The following PLCL1 variants were observed in gnomAD, a reference collection of about 807,000 sequenced individuals.
PLCL1 encodes the protein phospholipase C like 1 (inactive), also known as inactive phospholipase C-like protein 1.
A neutral mutation model predicts 84.4 loss-of-function variants in PLCL1; 41 were observed. That is an observed-to-expected ratio of 0.49 (90% confidence interval 0.38 to 0.63). The LOEUF (loss-of-function observed/expected upper bound fraction) is 0.63, where lower values mean the gene tolerates loss of function less well. PLCL1 is among the 30% of genes least tolerant of loss of function. The pLI, the probability that PLCL1 is intolerant of heterozygous loss-of-function variation, is 0.00. For missense variants in PLCL1, 1,206 were observed against 1,367.8 expected (o/e 0.88, Z 1.87); for synonymous variants, 490 against 488.3 (o/e 1.00, Z -0.05).
intron 1 of PLCL1, among the ~76,000 whole-genome samples, chr2:198,029,619 G>A (rs998202453): frequency 2.0e-5 from 3 of 152,128 alleles, no homozygotes; most frequent in Non-Finnish European, 4.4e-5. Context: ...AGAGCCTTCT[G>A]CAGTCACGGC....
chr2:197,877,858 TC>T (rs1687765891), intron 1 of PLCL1, among the ~76,000 whole-genome samples: 1 of 152,020 alleles, frequency 6.6e-6, no homozygotes, highest in South Asian at 2.1e-4. Context: ...TTTCAGGGGG[TC>T]CTCAAACCTC....
At chr2:197,900,744 G>T (rs188604801) in intron 1 of PLCL1, among the ~76,000 whole-genome samples, 1 of 152,144 alleles carries the variant, frequency 6.6e-6, no homozygotes, top group Admixed American at 6.5e-5. Context: ...AAAGTGAAAG[G>T]GTTGTCATAA....
intron 1 of PLCL1, among the ~76,000 whole-genome samples, chr2:197,997,392 G>T (rs190990081): frequency 6.6e-5 from 10 of 152,346 alleles, no homozygotes; most frequent in Admixed American, 4.6e-4. Context: ...GGTTTCTTGT[G>T]ATCTGCTGAG....
intron 1 of PLCL1, chr2:197,810,467 C>T (rs1690561156): frequency 3.0e-6 from 1 of 337,058 alleles, no homozygotes; most frequent in Non-Finnish European, 5.9e-6. Flanking sequence ...ATTACATAGC[C>T]ATTGAGGGGT....
chr2:198,084,929 T>C lies in PLCL1; in HGVS notation c.1412T>C (p.Val471Ala). 1 of 1,614,010 alleles carries C rather than the reference T, an allele frequency of 6.2e-7. No homozygotes were observed. The highest frequency in any genetic ancestry group is 8.5e-7 in the Non-Finnish European group (1 of 1,179,938). ...NMTTHVSFRSVIEVINKFAFV... is the reference protein window; with the variant it reads ...NMTTHVSFRSAIEVINKFAFV... ...ACAACCCATGTTTCCTTTCGAAGTG[T>C]CATAGAGGTAATAAATAAATTTGCC... The change falls in exon 2 of 6, where the codon GTC (valine) becomes GCC (alanine). Residue 471 changes from valine to alanine, a missense_variant. Physicochemically the swap from Val to Ala is moderately conservative, Grantham distance 64 (BLOSUM62 0). Transcript: ENST00000428675.
rs184698958 is a variant in PLCL1, at chr2:197,929,248, C to T, written c.240+123909C>T. Among the ~76,000 whole-genome samples, 15 of 152,252 alleles carry T rather than the reference C, an allele frequency of 9.9e-5. No individual in the cohort carries two copies. In the East Asian group the frequency reaches 2.5e-3, roughly 25 times the overall value. On this transcript the variant is annotated intron_variant, in intron 1 of 5. Transcript: ENST00000428675. ...TCCTTCTGGGGTCCTGGAACCAATC[C>T]CCCATGGATATGGAGGGCCGACTGT...
intron 1 of PLCL1, among the ~76,000 whole-genome samples, chr2:197,902,898 A>G (rs1170465323): frequency 3.3e-5 from 5 of 152,208 alleles, no homozygotes; most frequent in Admixed American, 3.3e-4. Flanking sequence ...CATCCAGCTC[A>G]GGAGAGTGCT....
intron 1 of PLCL1, among the ~76,000 whole-genome samples, chr2:197,871,213 C>G (rs1452720501): frequency 6.6e-6 from 1 of 151,952 alleles, no homozygotes; most frequent in African/African-American, 2.4e-5. Context: ...ATGTGAGGGG[C>G]CTGTACAGTT....
At chr2:198,086,360 C>G in intron 2 of PLCL1, 128 bp downstream of exon 2, 1 of 678,194 alleles carries the variant, frequency 1.5e-6, no homozygotes, top group Non-Finnish European at 2.4e-6. Context: ...GTGACTCATT[C>G]CTGTAATCCC....
chr2:198,043,386 G>A (rs1257122942), intron 1 of PLCL1, among the ~76,000 whole-genome samples: 1 of 152,178 alleles, frequency 6.6e-6, no homozygotes, highest in Non-Finnish European at 1.5e-5. Flanking sequence ...AAATATACTT[G>A]TAAACAGCTG....
intron 1 of PLCL1, among the ~76,000 whole-genome samples, chr2:198,012,274 G>A (rs1028116456): frequency 1.1e-4 from 16 of 152,064 alleles, no homozygotes; most frequent in Non-Finnish European, 1.9e-4. Flanking sequence ...GTGCTGCAGG[G>A]CATCCTATTC....
At position 198,035,772 on chromosome 2, in the gene PLCL1, C is replaced by T. The variant is rs372854453; in HGVS notation, c.241-47986C>T. Among the ~76,000 whole-genome samples the T allele has an allele frequency of 7.9e-4, 121 of 152,330 alleles. 4 individuals are homozygous for T. In the South Asian group the frequency reaches 0.015, roughly 19 times the overall value. On this transcript the variant is annotated intron_variant, in intron 1 of 5. Transcript: ENST00000428675. ...TGGTATGGCTGGATGCGGTGGCTCA[C>T]GCCTGTAATCCCAGCACTTTGGGAG...
At chr2:197,929,263 G>T (rs1024308663) in intron 1 of PLCL1, among the ~76,000 whole-genome samples, 1 of 152,172 alleles carries the variant, frequency 6.6e-6, no homozygotes, top group African/African-American at 2.4e-5. Context: ...TGGATATGGA[G>T]GGCCGACTGT....
intron 5 of PLCL1, among the ~76,000 whole-genome samples, chr2:198,142,414 A>G (rs193245984): frequency 3.9e-5 from 6 of 152,252 alleles, no homozygotes; most frequent in African/African-American, 1.4e-4. Flanking sequence ...CACCACAGCA[A>G]TGCACGGCAG....
intron 1 of PLCL1, among the ~76,000 whole-genome samples, chr2:198,052,342 C>A (rs758409243): frequency 1.3e-5 from 2 of 152,182 alleles, no homozygotes; most frequent in Non-Finnish European, 2.9e-5. Flanking sequence ...TGAGCCATGG[C>A]GCCCAGCCCA....
Position 198,084,118 on chromosome 2 carries a change from C to T in PLCL1, c.601C>T (p.Leu201=). The change falls in exon 2 of 6, where the codon CTG becomes TTG. Residue 201 remains leucine (L), a synonymous_variant. Coordinates refer to ENST00000428675, the MANE Select transcript of PLCL1 (RefSeq NM_006226.4). ...ACTCCACGGGGAAAACTATGAGTCT[C>T]TGGACCTAGTTGCCAATTCAGCAGA... ...SILHGENYES[L]DLVANSADVA... is the part of the protein sequence containing the mutation. 1 of 1,614,128 alleles carries T rather than the reference C, an allele frequency of 6.2e-7. No homozygotes were observed. Among genetic ancestry groups the T allele is most frequent in the Non-Finnish European group, 8.5e-7 (1 of 1,180,006 alleles).
chr2:198,072,576 C>T (rs932306514), intron 1 of PLCL1, among the ~76,000 whole-genome samples: 2 of 151,638 alleles, frequency 1.3e-5, no homozygotes, highest in Non-Finnish European at 2.9e-5. Flanking sequence ...CATGAGAATG[C>T]GTCTAAATCT....
intron 5 of PLCL1, among the ~76,000 whole-genome samples, chr2:198,144,557 A>T (rs1694470571): frequency 6.6e-6 from 1 of 152,176 alleles, no homozygotes; most frequent in African/African-American, 2.4e-5. Flanking sequence ...TATACTTATG[A>T]TCATTTAAAT....
intron 1 of PLCL1, among the ~76,000 whole-genome samples, chr2:197,956,541 C>T (rs115520202): frequency 0.05 from 7,617 of 152,176 alleles, 257 homozygotes; most frequent in Middle Eastern, 0.092. Flanking sequence ...CTACCAACAG[C>T]GTAAAAGCAT....
Sources: gnomAD v4.1 joint callset for allele counts (sites outside exome capture counted in the v4.1 genomes callset) on GRCh38, gnomAD v4.1.1 for gene constraint, MANE v1.5 for transcripts, NCBI Gene and HGNC (gene_info 2026-07-23, HGNC 2026-07-21) for gene names.